SPOCK1: variants seen among roughly 807,000 people sequenced by gnomAD.
SPOCK1 encodes the protein SPARC (osteonectin), cwcv and kazal like domains proteoglycan 1, also known as testican-1.
Under a neutral mutation model 55.3 loss-of-function variants are expected in SPOCK1, and 23 were observed. The observed-to-expected ratio is 0.42, with a 90% CI of 0.30 to 0.59. The LOEUF (loss-of-function observed/expected upper bound fraction) is 0.59. Among genes scored for constraint, SPOCK1 ranks in the 20% least tolerant of loss-of-function variants. The pLI is 0.22. For synonymous variants in SPOCK1, 226 were observed against 221.0 expected, an observed-to-expected ratio of 1.02 and a Z score of -0.20; for missense variants, 499 against 552.5, an observed-to-expected ratio of 0.90 and a Z score of 0.97.
chr5:137,222,796 T>C (rs1202816930), intron 3 of SPOCK1, among the ~76,000 whole-genome samples: 1 of 152,196 alleles, frequency 6.6e-6, no homozygotes, highest in Non-Finnish European at 1.5e-5. Context: ...ATGTGCTTTC[T>C]CAAAGGGGGC....
rs906625453 is a variant in SPOCK1, at chr5:137,095,618, G to A, written c.474+16817C>T. ...CAGCAAACTCCCAGAGTAGCACCTG[G>A]CACAGAGTACACACTGCACACAGGC... On this transcript the variant is annotated intron_variant, in intron 5 of 10. Coordinates refer to ENST00000394945, the MANE Select transcript of SPOCK1 (RefSeq NM_004598.4). 2.6e-5 allele frequency among the ~76,000 whole-genome samples: 4 copies of A among 152,304 alleles called. No homozygotes were observed. The East Asian group carries it at 7.7e-4, about 29-fold the overall frequency.
At chr5:137,291,914 G>A (rs545485220) in intron 2 of SPOCK1, among the ~76,000 whole-genome samples, 1 of 152,334 alleles carries the variant, frequency 6.6e-6, no homozygotes, top group South Asian at 2.1e-4. Flanking sequence ...CTGTTTGCAT[G>A]TGGATGCCAG....
In SPOCK1 at chr5:137,002,838, T is replaced by C. The variant is rs115272633; in HGVS notation, c.590-10238A>G. On this transcript the variant is annotated intron_variant, in intron 6 of 10. Transcript: ENST00000394945. ...AAAGGGGCTAGGTGATAATGCCTAA[T>C]TCCTTCATGGGCCATCCCACTGTGG... Among the ~76,000 whole-genome samples the C allele has an allele frequency of 6.5e-3, 986 of 152,272 alleles. 9 individuals carry two copies. Among genetic ancestry groups the C allele is most frequent in the African/African-American group, 0.023 (945 of 41,554 alleles).
At chr5:137,195,008 C>T in intron 3 of SPOCK1, among the ~76,000 whole-genome samples, 1 of 152,312 alleles carries the variant, frequency 6.6e-6, no homozygotes, top group East Asian at 1.9e-4. Flanking sequence ...GTTCTGATTC[C>T]CTCCACATCC....
At chr5:137,358,455 A>AGGGG (rs1750867622) in intron 2 of SPOCK1, among the ~76,000 whole-genome samples, 1 of 67,356 alleles carries the variant, frequency 1.5e-5, no homozygotes, top group East Asian at 6.4e-4. Context: ...GGAGGGAGGG[A>AGGGG]AGGGGAGGGG....
chr5:137,309,349 C>T (rs549157949), intron 2 of SPOCK1, among the ~76,000 whole-genome samples: 1 of 152,276 alleles, frequency 6.6e-6, no homozygotes, highest in Non-Finnish European at 1.5e-5. Context: ...GTCCCAGGTG[C>T]CAGGCACCTC....
At chr5:137,381,464 C>T (rs962070335) in intron 2 of SPOCK1, among the ~76,000 whole-genome samples, 2 of 152,182 alleles carry the variant, frequency 1.3e-5, no homozygotes, top group Middle Eastern at 3.2e-3. Context: ...GGGCTCCACC[C>T]CTGCAGCACA....
chr5:137,064,493 A>T (rs1752457818), intron 6 of SPOCK1, among the ~76,000 whole-genome samples: 1 of 152,180 alleles, frequency 6.6e-6, no homozygotes, highest in South Asian at 2.1e-4. Context: ...TACGGTCCAG[A>T]GCCACAATGT....
Position 137,293,466 on chromosome 5 carries a change from T to A in SPOCK1, c.187-26411A>T, listed in dbSNP as rs145318957. Among the ~76,000 whole-genome samples the A allele has an allele frequency of 4.6e-3, 683 of 149,294 alleles. 3 individuals are homozygous for A. The highest frequency in any genetic ancestry group is 0.016 in the African/African-American group (650 of 40,088). On this transcript the variant is annotated intron_variant, in intron 2 of 10. Transcript: ENST00000394945. ...CTCTAGAGCTTCAAATCTCAAACTT[T>A]AGCCTGCATCAGAATCACAGAGGAA...
intron 2 of SPOCK1, among the ~76,000 whole-genome samples, chr5:137,367,453 G>C (rs1751097693): frequency 6.6e-6 from 1 of 152,154 alleles, no homozygotes; most frequent in Admixed American, 6.5e-5. Context: ...CAAGGCCCCA[G>C]ACAAGGCACC....
At chr5:136,999,466 G>T (rs1284075908) in intron 6 of SPOCK1, among the ~76,000 whole-genome samples, 1 of 152,122 alleles carries the variant, frequency 6.6e-6, no homozygotes, top group Non-Finnish European at 1.5e-5. Context: ...TTTCAAAACA[G>T]GTAATGGTTT....
chr5:137,166,556 A>T (rs1754651919), intron 3 of SPOCK1, among the ~76,000 whole-genome samples: 1 of 152,122 alleles, frequency 6.6e-6, no homozygotes, highest in African/African-American at 2.4e-5. Flanking sequence ...TATGTAAACT[A>T]CTTATCTTAA....
intron 6 of SPOCK1, among the ~76,000 whole-genome samples, chr5:137,020,415 C>T (rs1299498927): frequency 6.6e-6 from 1 of 151,798 alleles, no homozygotes; most frequent in Non-Finnish European, 1.5e-5. Context: ...AGGTTCACAT[C>T]ACCAGAAATG....
chr5:137,162,406 T>TG (rs1185577401), intron 3 of SPOCK1, among the ~76,000 whole-genome samples: 1 of 152,174 alleles, frequency 6.6e-6, no homozygotes, highest in African/African-American at 2.4e-5. Context: ...CCTGAAGTGC[T>TG]GGGATTACAG....
At chr5:137,390,741 C>T (rs1751701780) in intron 2 of SPOCK1, among the ~76,000 whole-genome samples, 1 of 152,194 alleles carries the variant, frequency 6.6e-6, no homozygotes, top group African/African-American at 2.4e-5. Flanking sequence ...CTACTGCCAG[C>T]AAGGCATGGT....
intron 2 of SPOCK1, among the ~76,000 whole-genome samples, chr5:137,295,231 C>A (rs1008301102): frequency 3.9e-5 from 6 of 152,208 alleles, no homozygotes; most frequent in Non-Finnish European, 8.8e-5. Context: ...TGTACTTCCC[C>A]AACATTCTAC....
At chr5:137,452,985 A>C (rs1200499075) in intron 2 of SPOCK1, among the ~76,000 whole-genome samples, 1 of 152,196 alleles carries the variant, frequency 6.6e-6, no homozygotes, top group Non-Finnish European at 1.5e-5. Context: ...GGACACCTTC[A>C]AGTCCATGAA....
intron 3 of SPOCK1, among the ~76,000 whole-genome samples, chr5:137,226,260 T>C (rs568186576): frequency 4.5e-4 from 68 of 152,338 alleles, no homozygotes; most frequent in Middle Eastern, 3.4e-3. Flanking sequence ...AAGAAAACGA[T>C]GGCAGACATT....
At chr5:137,211,988 G>A (rs1755627433) in intron 3 of SPOCK1, among the ~76,000 whole-genome samples, 1 of 152,142 alleles carries the variant, frequency 6.6e-6, no homozygotes, top group African/African-American at 2.4e-5. Flanking sequence ...TGAGTTCCAT[G>A]AGCAGGTTTA....
Sources: allele counts gnomAD v4.1 joint callset (sites outside exome capture counted in the v4.1 genomes callset), GRCh38; gene constraint gnomAD v4.1.1; transcripts MANE v1.5; gene names NCBI Gene and HGNC (gene_info 2026-07-23, HGNC 2026-07-21).